The following AKIRIN2 variants were observed in gnomAD, a reference collection of about 807,000 sequenced individuals.
AKIRIN2 encodes akirin 2, also known as akirin-2.
A neutral mutation model predicts 29.3 loss-of-function variants in AKIRIN2; 6 were observed. The ratio of observed to expected loss-of-function variants is 0.20; its 90% CI spans 0.11 to 0.40. The LOEUF is 0.40. Among genes scored for constraint, AKIRIN2 ranks in the 10% least tolerant of loss-of-function variants. AKIRIN2 has a pLI of 1.00. For missense variants in AKIRIN2, 210 were observed against 276.1 expected (o/e 0.76, Z 1.70); for synonymous variants, 128 against 117.5 (o/e 1.09, Z -0.58).
Position 87,677,926 on chromosome 6 carries a change from G to C in AKIRIN2, c.421C>G (p.Pro141Ala), listed in dbSNP as rs1183451055. 6.2e-7 allele frequency: 1 copy of C among 1,613,786 alleles called. No homozygotes were observed. The highest frequency in any genetic ancestry group is 8.5e-7 in the Non-Finnish European group (1 of 1,179,892). ...AASSPLKKEQPLFTLRQVGMI... is the reference protein window; with the variant it reads ...AASSPLKKEQALFTLRQVGMI... Reference sequence around the variant, plus strand: ...CCAACCTGCCGTAGAGTAAATAAGGGCTGTTCTTTTTTTAATGGTGAGGAT... The same window carrying C: ...CCAACCTGCCGTAGAGTAAATAAGGCCTGTTCTTTTTTTAATGGTGAGGAT... Residue 141 changes from proline (P) to alanine (A), a missense_variant, in exon 3 of 5, where the codon CCC becomes GCC. By Grantham distance (27) the Pro-to-Ala change is conservative. Around this residue, in one of 2 missense-constraint regions of AKIRIN2, gnomAD observed 199 missense variants for 236.5 expected, o/e 0.84. Coordinates refer to ENST00000257787, the MANE Select transcript of AKIRIN2 (RefSeq NM_018064.4).
rs1011832234 is a variant in AKIRIN2 at position 87,675,214 on chromosome 6, G to A, written c.*383C>T. The stretch of plus-strand genomic sequence containing the variant: ...TAAAATTAGTAACTGGTTACAGCTC[G>A]GTTGTAGTGCACAATTAAAATCACA... On this transcript the variant is annotated 3_prime_UTR_variant, in exon 5 of 5. Coordinates refer to ENST00000257787, the MANE Select transcript of AKIRIN2 (RefSeq NM_018064.4). The A allele has an allele frequency of 7.4e-5, 16 of 215,336 alleles. No homozygotes were observed. The highest frequency in any genetic ancestry group is 1.1e-4 in the Non-Finnish European group (12 of 107,062). The allele number at this position is 215,336 out of a possible 1,614,324, so 13.3% of individuals were successfully genotyped here. A position where few individuals can be genotyped will look rare whatever the true frequency, so the allele number is the denominator to read the frequency against.
At chr6:87,686,216 C>CA (rs1562398556) in intron 1 of AKIRIN2, among the ~76,000 whole-genome samples, 1 of 151,666 alleles carries the variant, frequency 6.6e-6, no homozygotes, top group Non-Finnish European at 1.5e-5. Context: ...AACTCTGTCT[C>CA]AAAAAAATAA....
chr6:87,699,303 A>AG (rs1238095146), intron 1 of AKIRIN2, among the ~76,000 whole-genome samples: 1 of 152,226 alleles, frequency 6.6e-6, no homozygotes, highest in African/African-American at 2.4e-5. Flanking sequence ...ACCATACCCC[A>AG]AATTGGCCAT....
intron 1 of AKIRIN2, among the ~76,000 whole-genome samples, chr6:87,684,505 C>CT (rs746465779): frequency 6.6e-6 from 1 of 152,158 alleles, no homozygotes; most frequent in Non-Finnish European, 1.5e-5. Context: ...AAAAACTTCT[C>CT]TTGGGCTTCT....
intron 1 of AKIRIN2, among the ~76,000 whole-genome samples, chr6:87,683,969 G>C (rs1771152912): frequency 6.6e-6 from 1 of 152,138 alleles, no homozygotes; most frequent in South Asian, 2.1e-4. Context: ...TTTGCTGAGA[G>C]AGAGTAAGCT....
intron 1 of AKIRIN2, among the ~76,000 whole-genome samples, chr6:87,692,390 A>G (rs1163310740): frequency 6.6e-6 from 1 of 152,224 alleles, no homozygotes; most frequent in Non-Finnish European, 1.5e-5. Context: ...TGTCTTCTGC[A>G]ATGTCACACG....
At chr6:87,692,580 G>A (rs1022758056) in intron 1 of AKIRIN2, among the ~76,000 whole-genome samples, 1 of 152,224 alleles carries the variant, frequency 6.6e-6, no homozygotes, top group Non-Finnish European at 1.5e-5. Flanking sequence ...GGGAGACAGA[G>A]GTGGGCAGAT....
chr6:87,699,460 A>C (rs1033420606), intron 1 of AKIRIN2, among the ~76,000 whole-genome samples: 2 of 152,158 alleles, frequency 1.3e-5, no homozygotes, highest in African/African-American at 4.8e-5. Flanking sequence ...GTTTGGAAAT[A>C]ACTTTTAGCA....
chr6:87,695,453 T>G (rs1388310581), intron 1 of AKIRIN2, among the ~76,000 whole-genome samples: 1 of 152,224 alleles, frequency 6.6e-6, no homozygotes, highest in Non-Finnish European at 1.5e-5. Context: ...TTAAGATGCC[T>G]GATAGTTTTG....
chr6:87,694,268 G>GA (rs1562400569), intron 1 of AKIRIN2, among the ~76,000 whole-genome samples: 1 of 151,960 alleles, frequency 6.6e-6, no homozygotes, highest in Admixed American at 6.6e-5. Context: ...ACACTTTAAG[G>GA]AAAAAAACTG....
intron 1 of AKIRIN2, 74 bp from the exon 2 acceptor site, chr6:87,681,837 T>G (rs1313467393): frequency 3.9e-6 from 5 of 1,266,712 alleles, no homozygotes; most frequent in Non-Finnish European, 5.4e-6. Flanking sequence ...TCCAACATTA[T>G]TTAGTAGACC....
rs1771472362 is a variant in AKIRIN2, at chr6:87,701,808, A to G, written c.-124T>C. 5.9e-6 allele frequency: 4 copies of G among 681,126 alleles called. No homozygotes were observed. Among genetic ancestry groups the G allele is most frequent in the Non-Finnish European group, 8.7e-6 (4 of 462,138 alleles). 42.2% of individuals were successfully genotyped at this position (681,126 alleles called of 1,614,324 possible). On this transcript the variant is annotated 5_prime_UTR_variant, in exon 1 of 5. Transcript: ENST00000257787. ...GCCTACCCGACGGGCTCAGGAGCCA[A>G]GCGGGTCGCGGAGCGCCGGCTGTGG...
intron 1 of AKIRIN2, chr6:87,700,989 G>A (rs945987092): frequency 4.9e-5 from 7 of 141,746 alleles, no homozygotes; most frequent in Non-Finnish European, 9.0e-5. Context: ...TGAAGGAGGG[G>A]CTGTAGCCTC....
At chr6:87,699,869 C>T (rs1163826063) in intron 1 of AKIRIN2, among the ~76,000 whole-genome samples, 3 of 152,180 alleles carry the variant, frequency 2.0e-5, no homozygotes, top group Non-Finnish European at 4.4e-5. Context: ...AATTCACTCC[C>T]TCGACTGAAA....
chr6:87,676,020 T>A, intron 3 of AKIRIN2, 89 bp from the exon 4 acceptor site: 1 of 1,100,918 alleles, frequency 9.1e-7, no homozygotes, highest in South Asian at 1.4e-5. Context: ...AGTAAAACAA[T>A]TCTAAGTTGA....
chr6:87,679,513 C>T (rs917314534), intron 2 of AKIRIN2, among the ~76,000 whole-genome samples: 2 of 152,110 alleles, frequency 1.3e-5, no homozygotes, highest in Non-Finnish European at 2.9e-5. Flanking sequence ...CAAAACAAAA[C>T]AAAACAAGAC....
chr6:87,700,811 T>C (rs1771448158), intron 1 of AKIRIN2: 1 of 154,796 alleles, frequency 6.5e-6, no homozygotes, highest in Non-Finnish European at 1.5e-5. Context: ...CATATTACAG[T>C]ACTCGGGAAG....
intron 1 of AKIRIN2, among the ~76,000 whole-genome samples, chr6:87,689,553 G>A (rs1050429581): frequency 2.0e-5 from 3 of 152,178 alleles, no homozygotes; most frequent in Non-Finnish European, 4.4e-5. Flanking sequence ...CCATGGACAT[G>A]ATTTTTTTAA....
chr6:87,688,416 C>T (rs899716498), intron 1 of AKIRIN2, among the ~76,000 whole-genome samples: 3 of 151,782 alleles, frequency 2.0e-5, no homozygotes, highest in Non-Finnish European at 4.4e-5. Flanking sequence ...ACAGGCTGAT[C>T]CATCGTGCCT....
Sources: allele counts gnomAD v4.1 joint callset (sites outside exome capture counted in the v4.1 genomes callset), GRCh38; gene constraint gnomAD v4.1.1; regional missense constraint gnomAD v4.1.1; transcripts MANE v1.5; gene names NCBI Gene and HGNC (gene_info 2026-07-23, HGNC 2026-07-21).